FAF1: variants seen among roughly 807,000 people sequenced by gnomAD.
FAF1 encodes the protein FAS-associated factor 1.
A neutral mutation model predicts 92.5 loss-of-function variants in FAF1; 25 were observed. That is an observed-to-expected ratio of 0.27 (90% CI 0.20 to 0.38). The LOEUF (loss-of-function observed/expected upper bound fraction) is 0.38. Ranked by LOEUF, FAF1 falls within the 10% of genes least tolerant of loss-of-function variation. The probability of loss-of-function intolerance (pLI) is 1.00; values close to 1 mark genes in which losing one functional copy is unlikely to be tolerated. For missense variants in FAF1, 636 were observed against 793.3 expected, an observed-to-expected ratio of 0.80 and a Z score of 2.38; for synonymous variants, 234 against 273.2, an observed-to-expected ratio of 0.86 and a Z score of 1.42.
chr1:50,688,144 T>A (rs11576128), intron 7 of FAF1, among the ~76,000 whole-genome samples: 42,806 of 149,898 alleles, frequency 0.29, 6,391 homozygotes, highest in Middle Eastern at 0.48. Context: ...TCAAAAAAAA[T>A]AAATAAATAA....
At chr1:50,565,509 A>C (rs1229047761) in intron 13 of FAF1, among the ~76,000 whole-genome samples, 1 of 152,096 alleles carries the variant, frequency 6.6e-6, no homozygotes, top group African/African-American at 2.4e-5. Context: ...CTTTCTAATA[A>C]GCAGCTTCTG....
At chr1:50,573,260 G>C (rs573715334) in intron 12 of FAF1, among the ~76,000 whole-genome samples, 1 of 151,150 alleles carries the variant, frequency 6.6e-6, no homozygotes, top group Non-Finnish European at 1.5e-5. Flanking sequence ...CACCATGCCC[G>C]GCTAATTTTT....
chr1:50,794,534 T>A (rs1386517594), intron 3 of FAF1, among the ~76,000 whole-genome samples: 1 of 152,214 alleles, frequency 6.6e-6, no homozygotes, highest in Non-Finnish European at 1.5e-5. Flanking sequence ...CTGAAAAGAA[T>A]AAAATTGGAA....
chr1:50,580,184 T>A (rs1650928274), intron 12 of FAF1, among the ~76,000 whole-genome samples: 1 of 152,054 alleles, frequency 6.6e-6, no homozygotes, highest in Non-Finnish European at 1.5e-5. Flanking sequence ...TAATTATTTA[T>A]ATTTATTTTA....
At chr1:50,578,170 T>G (rs1401599179) in intron 12 of FAF1, among the ~76,000 whole-genome samples, 1 of 152,110 alleles carries the variant, frequency 6.6e-6, no homozygotes, top group East Asian at 1.9e-4. Context: ...TCAATCTTGT[T>G]TTTATTTACT....
At chr1:50,552,884 T>C (rs963344631) in intron 13 of FAF1, among the ~76,000 whole-genome samples, 1 of 152,188 alleles carries the variant, frequency 6.6e-6, no homozygotes, top group Non-Finnish European at 1.5e-5. Flanking sequence ...CCCAGCATTA[T>C]TGTGTGCTTA....
At chr1:50,506,298 C>CT (rs1464353890) in intron 15 of FAF1, among the ~76,000 whole-genome samples, 1 of 152,164 alleles carries the variant, frequency 6.6e-6, no homozygotes, top group East Asian at 1.9e-4. Context: ...GCCTTAGATA[C>CT]TTTTATCAGC....
Position 50,801,652 on chromosome 1 carries a change from T to C in FAF1, c.140A>G (p.Gln47Arg). 1 of 1,596,058 alleles carries C rather than the reference T, an allele frequency of 6.3e-7. No individual in the cohort carries two copies. Among genetic ancestry groups the C allele is most frequent in the East Asian group, 2.2e-5 (1 of 44,704 alleles). The stretch of plus-strand genomic sequence containing the variant: ...ATACCTTTGTAGAATGCCATTTTCC[T>C]GTGGTATTACACCATTGATAGCTGC... ...LVAAINGVIP[Q>R]ENGILQSEYG... Residue 47 changes from glutamine to arginine, a missense_variant, in exon 3 of 19, where the codon CAG becomes CGG. Physicochemically the swap from Gln to Arg is conservative, Grantham distance 43. This residue lies in a region of FAF1 where 317 missense variants were observed against 342.4 expected (regional missense o/e 0.93). Transcript: ENST00000396153.
At chr1:50,882,958 T>G (rs910111970) in intron 1 of FAF1, among the ~76,000 whole-genome samples, 6 of 144,876 alleles carry the variant, frequency 4.1e-5, no homozygotes, top group African/African-American at 1.6e-4. Flanking sequence ...CACTCTAGCC[T>G]AGGCAACAGA....
intron 7 of FAF1, among the ~76,000 whole-genome samples, chr1:50,701,829 A>G (rs2124416780): frequency 6.6e-6 from 1 of 152,194 alleles, no homozygotes; most frequent in East Asian, 1.9e-4. Flanking sequence ...TGCAAGATAT[A>G]TCTTTATAGG....
chr1:50,641,442 A>C (rs529763869), intron 8 of FAF1, among the ~76,000 whole-genome samples: 1 of 152,184 alleles, frequency 6.6e-6, no homozygotes, highest in Non-Finnish European at 1.5e-5. Flanking sequence ...TCTTTGACTC[A>C]TGAATTTAAA....
At chr1:50,745,727 CTT>C (rs1258861628) in intron 4 of FAF1, among the ~76,000 whole-genome samples, 1 of 152,124 alleles carries the variant, frequency 6.6e-6, no homozygotes, top group African/African-American at 2.4e-5. Context: ...CAATTAAACT[CTT>C]TTTCTTTACA....
At chr1:50,937,511 C>T (rs1264854649) in intron 1 of FAF1, among the ~76,000 whole-genome samples, 2 of 151,752 alleles carry the variant, frequency 1.3e-5, no homozygotes, top group Non-Finnish European at 2.9e-5. Context: ...CCCCTAATTA[C>T]CAAAATTTTC....
At chr1:50,505,516 A>G (rs1647048459) in intron 15 of FAF1, among the ~76,000 whole-genome samples, 1 of 152,220 alleles carries the variant, frequency 6.6e-6, no homozygotes, top group African/African-American at 2.4e-5. Flanking sequence ...TTCTCTGGTC[A>G]GGATTCCTTC....
chr1:50,837,317 T>C (rs967031203), intron 2 of FAF1, among the ~76,000 whole-genome samples: 2 of 152,154 alleles, frequency 1.3e-5, no homozygotes, highest in South Asian at 4.1e-4. Context: ...CGCATTGTTG[T>C]ATTTAGTTGT....
chr1:50,558,361 T>C (rs947696207), intron 13 of FAF1, among the ~76,000 whole-genome samples: 6 of 152,146 alleles, frequency 3.9e-5, no homozygotes, highest in Non-Finnish European at 8.8e-5. Context: ...ACTATTTGCA[T>C]ATAACTATAC....
intron 15 of FAF1, among the ~76,000 whole-genome samples, chr1:50,501,492 T>C (rs1423837182): frequency 6.6e-6 from 1 of 151,942 alleles, no homozygotes; most frequent in Non-Finnish European, 1.5e-5. Flanking sequence ...AAACCCTGTC[T>C]CTACTAAAAA....
intron 8 of FAF1, among the ~76,000 whole-genome samples, chr1:50,647,064 G>T (rs1184884941): frequency 1.3e-5 from 2 of 152,050 alleles, no homozygotes; most frequent in African/African-American, 2.4e-5. Flanking sequence ...GGCCAGGCTG[G>T]TCTCAAACTC....
intron 6 of FAF1, among the ~76,000 whole-genome samples, chr1:50,725,466 T>A (rs963471213): frequency 7.2e-5 from 11 of 152,136 alleles, no homozygotes; most frequent in East Asian, 3.9e-4. Flanking sequence ...TTAAAAAAAA[T>A]TTTTTTTGAG....
Sources: allele counts gnomAD v4.1 joint callset (sites outside exome capture counted in the v4.1 genomes callset), GRCh38; gene constraint gnomAD v4.1.1; regional missense constraint gnomAD v4.1.1; transcripts MANE v1.5; gene names NCBI Gene and HGNC (gene_info 2026-07-23, HGNC 2026-07-21).